JMY: variants seen among roughly 807,000 people sequenced by gnomAD.
JMY encodes junction mediating and regulatory protein, p53 cofactor, also known as junction-mediating and -regulatory protein.
In JMY, 46 loss-of-function variants were observed where a neutral mutation model predicts 103.3. The observed-to-expected ratio is 0.45, with a 90% CI of 0.35 to 0.57. The LOEUF is 0.57. Ranked by LOEUF, JMY falls within the 20% of genes least tolerant of loss-of-function variation. The probability of loss-of-function intolerance (pLI) is 0.00; values close to 1 mark genes in which losing one functional copy is unlikely to be tolerated. For synonymous variants in JMY, 526 were observed against 489.3 expected, an observed-to-expected ratio of 1.07 and a Z score of -0.99; for missense variants, 1,238 against 1,255.2, an observed-to-expected ratio of 0.99 and a Z score of 0.21.
intron 1 of JMY, among the ~76,000 whole-genome samples, chr5:79,277,616 T>G (rs1382288091): frequency 1.3e-5 from 2 of 151,356 alleles, no homozygotes; most frequent in East Asian, 3.9e-4. Flanking sequence ...CCAGCCTGGG[T>G]GACAGGAGTG....
intron 2 of JMY, among the ~76,000 whole-genome samples, chr5:79,278,778 G>A (rs1217939475): frequency 1.4e-5 from 2 of 141,126 alleles, no homozygotes; most frequent in Non-Finnish European, 3.1e-5. Flanking sequence ...AGAAGAAAAA[G>A]TTTTGGGAAC....
intron 10 of JMY, among the ~76,000 whole-genome samples, chr5:79,319,690 C>T (rs1450650624): frequency 6.6e-6 from 1 of 151,972 alleles, no homozygotes; most frequent in Non-Finnish European, 1.5e-5. Flanking sequence ...AAGAGATTCT[C>T]CTGCCTCAGC....
intron 1 of JMY, among the ~76,000 whole-genome samples, chr5:79,251,414 TG>T (rs1167573766): frequency 6.6e-6 from 1 of 152,026 alleles, no homozygotes; most frequent in Non-Finnish European, 1.5e-5. Context: ...AACTTAATTT[TG>T]GGGGGTACAT....
intron 5 of JMY, among the ~76,000 whole-genome samples, 155 bp from the exon 6 acceptor site, chr5:79,300,521 G>C (rs993476871): frequency 1.3e-5 from 2 of 152,150 alleles, no homozygotes; most frequent in Non-Finnish European, 2.9e-5. Context: ...TTCACTCTAT[G>C]AGGTGTATTA....
chr5:79,273,987 T>A (rs939884400), intron 1 of JMY, among the ~76,000 whole-genome samples: 1 of 151,858 alleles, frequency 6.6e-6, no homozygotes, highest in Admixed American at 6.6e-5. Flanking sequence ...CCCGCCACCA[T>A]GCCTGGCTAA....
At chr5:79,253,507 T>G (rs185840442) in intron 1 of JMY, among the ~76,000 whole-genome samples, 12 of 152,278 alleles carry the variant, frequency 7.9e-5, no homozygotes, top group African/African-American at 2.9e-4. Context: ...TTAGCCAGGA[T>G]AGTCTTGATC....
intron 1 of JMY, among the ~76,000 whole-genome samples, chr5:79,246,630 C>G (rs1305961302): frequency 6.6e-6 from 1 of 152,148 alleles, no homozygotes; most frequent in African/African-American, 2.4e-5. Flanking sequence ...CGCCTGTAAT[C>G]CCAGCACTTT....
Position 79,312,444 on chromosome 5 carries a change from C to A in JMY, c.2010C>A (p.Ala670=). ...ATGATGAAGAAGAAAGAAAAAGTGC[C>A]TGGGTTAGCCAAGAGAGACAGAGAA... ...KLHDEEERKS[A]WVSQERQRTL... The change falls in exon 8 of 11, where the codon GCC becomes GCA. Residue 670 remains alanine (A), a synonymous_variant. Coordinates refer to ENST00000396137, the MANE Select transcript of JMY (RefSeq NM_152405.5). 6.3e-7 allele frequency: 1 copy of A among 1,585,498 alleles called. No homozygotes were observed. Among genetic ancestry groups the A allele is most frequent in the Non-Finnish European group, 8.6e-7 (1 of 1,169,206 alleles).
chr5:79,256,329 A>G, intron 1 of JMY, among the ~76,000 whole-genome samples: 1 of 152,126 alleles, frequency 6.6e-6, no homozygotes, highest in South Asian at 2.1e-4. Context: ...CCTTCAGGGC[A>G]GTAGCTTCTC....
intron 1 of JMY, 27 bp downstream of exon 1, chr5:79,237,709 C>T: frequency 2.5e-6 from 4 of 1,576,828 alleles, no homozygotes; most frequent in African/African-American, 1.4e-5. Context: ...CTAGTCTGGG[C>T]TCTACTGGTC....
In JMY at chr5:79,255,571, CCTT is replaced by C. The variant is rs199828497; in HGVS notation, c.1032+17893_1032+17895del. Among the ~76,000 whole-genome samples, 911 of 152,302 alleles carry C rather than the reference CCTT, an allele frequency of 6.0e-3. 10 individuals are homozygous for C. Among genetic ancestry groups the C allele is most frequent in the African/African-American group, 0.021 (867 of 41,562 alleles). ...ACTGTCTGGGTTTGTTTGTACCTGTCCTTCTTGGGAAGGCTTTCCACATATTCT... is the reference window on the plus strand; with the variant it reads ...ACTGTCTGGGTTTGTTTGTACCTGTCCTTGGGAAGGCTTTCCACATATTCT... On this transcript the variant is annotated intron_variant, in intron 1 of 10. Transcript: ENST00000396137.
chr5:79,295,801 T>C (rs1055609614), intron 4 of JMY, among the ~76,000 whole-genome samples: 5 of 152,330 alleles, frequency 3.3e-5, no homozygotes, highest in African/African-American at 1.2e-4. Context: ...AGTTTTCATT[T>C]TATTTGTCAA....
intron 1 of JMY, among the ~76,000 whole-genome samples, chr5:79,271,044 G>A (rs1745769012): frequency 6.6e-6 from 1 of 151,914 alleles, no homozygotes; most frequent in Non-Finnish European, 1.5e-5. Flanking sequence ...GAGGATTTTT[G>A]TGTCTGTGCT....
At chr5:79,267,817 G>A (rs1745628737) in intron 1 of JMY, among the ~76,000 whole-genome samples, 1 of 152,212 alleles carries the variant, frequency 6.6e-6, no homozygotes, top group Admixed American at 6.5e-5. Context: ...TCATGTTTTG[G>A]TAGTTAAAAT....
chr5:79,304,118 TGAA>T (rs1422958625), intron 6 of JMY, among the ~76,000 whole-genome samples: 4 of 152,172 alleles, frequency 2.6e-5, no homozygotes, highest in Non-Finnish European at 5.9e-5. Flanking sequence ...AATCTAAATC[TGAA>T]GTAGGGAAAC....
chr5:79,282,241 G>T (rs1746140783), intron 2 of JMY, among the ~76,000 whole-genome samples: 3 of 152,060 alleles, frequency 2.0e-5, no homozygotes, highest in Admixed American at 2.0e-4. Flanking sequence ...TTCTAGAAAT[G>T]ATGATTTTGA....
intron 1 of JMY, among the ~76,000 whole-genome samples, chr5:79,272,604 A>T (rs1319211370): frequency 6.6e-6 from 1 of 152,000 alleles, no homozygotes; most frequent in Admixed American, 6.6e-5. Context: ...TGCCATAGGG[A>T]TTAAACCATA....
At chr5:79,310,931 G>C (rs940242159) in intron 7 of JMY, among the ~76,000 whole-genome samples, 1 of 152,062 alleles carries the variant, frequency 6.6e-6, no homozygotes, top group Admixed American at 6.6e-5. Flanking sequence ...CTTGGGCCCA[G>C]GAGTTCGAGA....
chr5:79,297,860 T>A (rs960751329), intron 4 of JMY, among the ~76,000 whole-genome samples: 2 of 152,132 alleles, frequency 1.3e-5, no homozygotes, highest in African/African-American at 4.8e-5. Flanking sequence ...ACCAAAAAAT[T>A]GAGGGTGAGG....
Sources: allele counts gnomAD v4.1 joint callset (sites outside exome capture counted in the v4.1 genomes callset), GRCh38; gene constraint gnomAD v4.1.1; transcripts MANE v1.5; gene names NCBI Gene and HGNC (gene_info 2026-07-23, HGNC 2026-07-21).